The following ATP2B4 variants were observed in gnomAD, a reference collection of about 807,000 sequenced individuals.
ATP2B4 encodes the protein plasma membrane calcium-transporting ATPase 4.
In ATP2B4, 39 loss-of-function variants were observed where a neutral mutation model predicts 110.3. The ratio of observed to expected loss-of-function variants is 0.35; its 90% CI spans 0.27 to 0.46. The LOEUF (loss-of-function observed/expected upper bound fraction) is 0.46. ATP2B4 is among the 20% of genes least tolerant of loss of function. The pLI, the probability that ATP2B4 is intolerant of heterozygous loss-of-function variation, is 1.00. For missense variants in ATP2B4, 1,135 were observed against 1,530.9 expected, an observed-to-expected ratio of 0.74 and a Z score of 4.32; for synonymous variants, 538 against 571.7, an observed-to-expected ratio of 0.94 and a Z score of 0.84.
At chr1:203,734,918 C>G (rs1418438668) in intron 20 of ATP2B4, among the ~76,000 whole-genome samples, 1 of 144,564 alleles carries the variant, frequency 6.9e-6, no homozygotes, top group African/African-American at 2.5e-5. Flanking sequence ...GCAGGAGAAT[C>G]GCTGGAACCC....
intron 20 of ATP2B4, among the ~76,000 whole-genome samples, chr1:203,737,912 T>C (rs1185334451): frequency 6.6e-6 from 1 of 152,140 alleles, no homozygotes; most frequent in Non-Finnish European, 1.5e-5. Context: ...ACCAACAGTA[T>C]TGATAGTGAG....
chr1:203,681,880 C>G (rs962521610), intron 1 of ATP2B4, among the ~76,000 whole-genome samples: 5 of 151,206 alleles, frequency 3.3e-5, no homozygotes, highest in African/African-American at 1.2e-4. Context: ...CTTTAATGCT[C>G]AGGCTTCAAA....
intron 1 of ATP2B4, among the ~76,000 whole-genome samples, chr1:203,633,876 C>T (rs1558008098): frequency 6.6e-6 from 1 of 151,878 alleles, no homozygotes; most frequent in Non-Finnish European, 1.5e-5. Flanking sequence ...TATGGAGAAA[C>T]CCCGTCTCTA....
chr1:203,646,405 G>A (rs1571676175), intron 1 of ATP2B4, among the ~76,000 whole-genome samples: 1 of 152,026 alleles, frequency 6.6e-6, no homozygotes, highest in East Asian at 1.9e-4. Context: ...TTGAGTCCAG[G>A]AGTTTGAATC....
chr1:203,647,081 T>G (rs568957394), intron 1 of ATP2B4, among the ~76,000 whole-genome samples: 2 of 151,110 alleles, frequency 1.3e-5, no homozygotes, highest in Admixed American at 1.3e-4. Flanking sequence ...CCAAACATAG[T>G]CCAGTGGAAT....
At chr1:203,646,238 G>C (rs6693985) in intron 1 of ATP2B4, among the ~76,000 whole-genome samples, 50,036 of 84,036 alleles carry the variant, frequency 0.6, 10,345 homozygotes, top group East Asian at 0.69. Context: ...AAAAAAGAAA[G>C]TAAGGCTCAA....
chr1:203,644,586 T>G (rs968447764), intron 1 of ATP2B4, among the ~76,000 whole-genome samples: 1 of 152,222 alleles, frequency 6.6e-6, no homozygotes, highest in Non-Finnish European at 1.5e-5. Context: ...AATGTACTTC[T>G]AGGATGTTTC....
chr1:203,700,428 T>G lies in ATP2B4; in HGVS notation c.775+97T>G. On this transcript the variant is annotated intron_variant, in intron 5 of 20. Transcript: ENST00000357681. Reference sequence around the variant, plus strand: ...TTCTCTCCTCTGACTCTGTCCCATCTCCTTCCCTGGGGTTCAGCTGGGGCA... The same window carrying G: ...TTCTCTCCTCTGACTCTGTCCCATCGCCTTCCCTGGGGTTCAGCTGGGGCA... 1.1e-5 allele frequency: 16 copies of G among 1,465,032 alleles called. No individual in the cohort carries two copies. In the South Asian group the frequency reaches 2.2e-4, roughly 20 times the overall value. The allele number at this position is 1,465,032 out of a possible 1,614,324, so 90.8% of individuals were successfully genotyped here.
chr1:203,683,827 T>C (rs530393793), intron 2 of ATP2B4, among the ~76,000 whole-genome samples: 30 of 151,790 alleles, frequency 2.0e-4, no homozygotes, highest in Non-Finnish European at 3.7e-4. Flanking sequence ...GTGTGTGCCA[T>C]CACACCCAGC....
At chr1:203,732,379 A>G (rs565146989) in intron 20 of ATP2B4, among the ~76,000 whole-genome samples, 1 of 152,194 alleles carries the variant, frequency 6.6e-6, no homozygotes, top group South Asian at 2.1e-4. Flanking sequence ...CTAATGCATT[A>G]ATGCACTTAG....
chr1:203,653,625 G>T (rs1283450131), intron 1 of ATP2B4, among the ~76,000 whole-genome samples: 1 of 152,072 alleles, frequency 6.6e-6, no homozygotes, highest in Non-Finnish European at 1.5e-5. Flanking sequence ...AAATCCTAGG[G>T]TCTTTATGAA....
intron 2 of ATP2B4, among the ~76,000 whole-genome samples, chr1:203,691,767 T>A (rs1046223112): frequency 2.6e-5 from 4 of 152,102 alleles, no homozygotes; most frequent in African/African-American, 9.7e-5. Flanking sequence ...CTCGGAAGAG[T>A]AGCATTCGGT....
chr1:203,725,158 G>A (rs1666471233), intron 19 of ATP2B4, among the ~76,000 whole-genome samples: 1 of 149,648 alleles, frequency 6.7e-6, no homozygotes, highest in Non-Finnish European at 1.5e-5. Flanking sequence ...TTACAGGTGT[G>A]AGCCACCGCA....
At chr1:203,717,243 A>T (rs1039994756) in intron 15 of ATP2B4, among the ~76,000 whole-genome samples, 2 of 152,146 alleles carry the variant, frequency 1.3e-5, no homozygotes, top group African/African-American at 4.8e-5. Context: ...GATTACTCTG[A>T]GGTTCCAATC....
At chr1:203,672,987 C>T (rs1248002525) in intron 1 of ATP2B4, among the ~76,000 whole-genome samples, 1 of 152,030 alleles carries the variant, frequency 6.6e-6, no homozygotes, top group East Asian at 1.9e-4. Context: ...AGGGGGCTGC[C>T]CAGAGATAAA....
intron 1 of ATP2B4, among the ~76,000 whole-genome samples, chr1:203,636,865 T>C (rs1663454488): frequency 6.6e-6 from 1 of 152,144 alleles, no homozygotes; most frequent in Admixed American, 6.5e-5. Context: ...CCAAGTCCCA[T>C]CCTTCTGCCC....
intron 19 of ATP2B4, among the ~76,000 whole-genome samples, chr1:203,726,018 G>A (rs1006318804): frequency 7.2e-6 from 1 of 139,806 alleles, no homozygotes; most frequent in African/African-American, 2.7e-5. Flanking sequence ...CTGAGGTCAG[G>A]AGTTCGAGAC....
At chr1:203,709,932 C>T (rs1665957881) in intron 11 of ATP2B4, among the ~76,000 whole-genome samples, 1 of 152,186 alleles carries the variant, frequency 6.6e-6, no homozygotes, top group Non-Finnish European at 1.5e-5. Context: ...AAAGTACTAC[C>T]CCCTCACTGT....
chr1:203,695,764 G>A (rs1265647330), intron 2 of ATP2B4, among the ~76,000 whole-genome samples: 1 of 141,488 alleles, frequency 7.1e-6, no homozygotes, highest in African/African-American at 2.7e-5. Flanking sequence ...TCTTATGTAT[G>A]TCTCCTGATG....
Sources: gnomAD v4.1 joint callset for allele counts (sites outside exome capture counted in the v4.1 genomes callset) on GRCh38, gnomAD v4.1.1 for gene constraint, MANE v1.5 for transcripts, NCBI Gene and HGNC (gene_info 2026-07-23, HGNC 2026-07-21) for gene names.